PITPNC1: variants seen among roughly 807,000 people sequenced by gnomAD.
PITPNC1 encodes phosphatidylinositol transfer protein cytoplasmic 1.
A neutral mutation model predicts 44.7 loss-of-function variants in PITPNC1; 18 were observed. The observed-to-expected ratio is 0.40, with a 90% confidence interval of 0.28 to 0.60. The LOEUF (loss-of-function observed/expected upper bound fraction) is 0.60, where lower values mean the gene tolerates loss of function less well. PITPNC1 is among the 20% of genes least tolerant of loss of function. PITPNC1 has a pLI of 0.39. For synonymous variants in PITPNC1, 141 were observed against 149.6 expected, an observed-to-expected ratio of 0.94 and a Z score of 0.42; for missense variants, 290 against 418.4, an observed-to-expected ratio of 0.69 and a Z score of 2.68.
intron 1 of PITPNC1, among the ~76,000 whole-genome samples, chr17:67,511,996 T>G (rs369745824): frequency 6.6e-6 from 1 of 152,240 alleles, no homozygotes; most frequent in Non-Finnish European, 1.5e-5. Context: ...GGTCTCCTGC[T>G]GATGATGCAC....
At chr17:67,600,368 G>A (rs1303191805) in intron 5 of PITPNC1, among the ~76,000 whole-genome samples, 1 of 152,134 alleles carries the variant, frequency 6.6e-6, no homozygotes, top group Non-Finnish European at 1.5e-5. Flanking sequence ...TAAATCTACT[G>A]CCGAAGAAAA....
At chr17:67,417,171 AC>A (rs2038601626) in intron 1 of PITPNC1, among the ~76,000 whole-genome samples, 1 of 146,910 alleles carries the variant, frequency 6.8e-6, no homozygotes, top group Non-Finnish European at 1.5e-5. Context: ...TGCTCTTGTC[AC>A]CCAGGCTGGA....
chr17:67,444,200 C>T (rs1567992118), intron 1 of PITPNC1, among the ~76,000 whole-genome samples: 1 of 151,976 alleles, frequency 6.6e-6, no homozygotes, highest in Non-Finnish European at 1.5e-5. Context: ...TGTCACTTCA[C>T]ATATAATTAT....
intron 1 of PITPNC1, among the ~76,000 whole-genome samples, chr17:67,526,935 TG>T (rs1011298144): frequency 6.6e-6 from 1 of 152,122 alleles, no homozygotes; most frequent in African/African-American, 2.4e-5. Flanking sequence ...GGTAATTATT[TG>T]GAGTAGCTGT....
intron 5 of PITPNC1, among the ~76,000 whole-genome samples, chr17:67,603,684 C>T (rs1373269165): frequency 6.6e-6 from 1 of 152,188 alleles, no homozygotes; most frequent in African/African-American, 2.4e-5. Flanking sequence ...AATCCCAACA[C>T]TTTGGGAGGC....
chr17:67,421,025 T>C (rs4293416), intron 1 of PITPNC1, among the ~76,000 whole-genome samples: 12,750 of 152,120 alleles, frequency 0.084, 578 homozygotes, highest in East Asian at 0.15. Flanking sequence ...TTTTGGGGGA[T>C]CTTTAGGGTC....
chr17:67,409,116 C>T (rs1219448494), intron 1 of PITPNC1, among the ~76,000 whole-genome samples: 2 of 119,674 alleles, frequency 1.7e-5, no homozygotes, highest in Non-Finnish European at 3.2e-5. Flanking sequence ...CTCGCTCTGT[C>T]GCCCAGGCCG....
At chr17:67,436,909 T>G (rs1021859848) in intron 1 of PITPNC1, among the ~76,000 whole-genome samples, 154 of 68,904 alleles carry the variant, frequency 2.2e-3, no homozygotes, top group Non-Finnish European at 3.9e-3. Context: ...AATAGGGGTG[T>G]TTTTTTTTTT....
chr17:67,672,543 G>C (rs1332326873), intron 7 of PITPNC1, among the ~76,000 whole-genome samples: 1 of 151,808 alleles, frequency 6.6e-6, no homozygotes, highest in Non-Finnish European at 1.5e-5. Flanking sequence ...AGGTTGCAGT[G>C]AGCCTAGGTC....
intron 1 of PITPNC1, among the ~76,000 whole-genome samples, chr17:67,435,710 G>C (rs975308373): frequency 6.6e-6 from 1 of 152,136 alleles, no homozygotes; most frequent in African/African-American, 2.4e-5. Context: ...AAATTAGGCA[G>C]GTGTGGTGGT....
intron 5 of PITPNC1, among the ~76,000 whole-genome samples, chr17:67,605,248 T>C (rs1390527347): frequency 6.6e-6 from 1 of 152,204 alleles, no homozygotes; most frequent in Non-Finnish European, 1.5e-5. Flanking sequence ...CTTCCTCAGC[T>C]GAGATCAAGT....
intron 1 of PITPNC1, among the ~76,000 whole-genome samples, chr17:67,464,850 C>T (rs543124290): frequency 6.6e-6 from 1 of 152,254 alleles, no homozygotes; most frequent in East Asian, 1.9e-4. Context: ...AGCAATTCTC[C>T]TGTCTCAGCC....
intron 1 of PITPNC1, among the ~76,000 whole-genome samples, chr17:67,502,588 G>C (rs892320622): frequency 1.3e-5 from 2 of 152,144 alleles, no homozygotes; most frequent in African/African-American, 4.8e-5. Flanking sequence ...AGTGACATCT[G>C]CCATGGGGTA....
intron 1 of PITPNC1, among the ~76,000 whole-genome samples, chr17:67,388,390 C>A (rs58530216): frequency 0.032 from 4,210 of 132,492 alleles, 197 homozygotes; most frequent in African/African-American, 0.12. Context: ...GCAGTTCTTT[C>A]AGCTCACTGC....
intron 1 of PITPNC1, among the ~76,000 whole-genome samples, chr17:67,430,741 G>T (rs1598652790): frequency 1.3e-5 from 2 of 151,784 alleles, no homozygotes; most frequent in Middle Eastern, 6.8e-3. Context: ...ATCAGTTGAG[G>T]CCGGGAGTTC....
intron 1 of PITPNC1, among the ~76,000 whole-genome samples, chr17:67,511,586 G>T (rs918151689): frequency 1.3e-5 from 2 of 152,122 alleles, no homozygotes; most frequent in African/African-American, 2.4e-5. Context: ...TCAGCTCACT[G>T]CAACCTCTGC....
At chr17:67,601,241 A>G (rs550415922) in intron 5 of PITPNC1, among the ~76,000 whole-genome samples, 1 of 152,204 alleles carries the variant, frequency 6.6e-6, no homozygotes, top group Non-Finnish European at 1.5e-5. Context: ...GGAAAGACAG[A>G]TCACGTACAA....
At chr17:67,631,635 C>CAAAA (rs1374813320) in intron 5 of PITPNC1, among the ~76,000 whole-genome samples, 326 of 15,752 alleles carry the variant, frequency 0.021, 100 homozygotes, top group East Asian at 0.074. Flanking sequence ...TCTCAAAAAC[C>CAAAA]AAAAAAAAAA....
rs879250799 is a variant in PITPNC1 at position 67,560,542 on chromosome 17, T to A, written c.294+6925T>A. ...GTTTGTGCATTTGGATTTGTTTCCA[T>A]TTAGAAAATGAACTGGTTGTATGGA... is the stretch of plus-strand genomic sequence containing the variant. On this transcript the variant is annotated intron_variant, in intron 4 of 8. Coordinates refer to ENST00000581322, the MANE Select transcript of PITPNC1 (RefSeq NM_012417.4). Among the ~76,000 whole-genome samples, 4 of 152,188 alleles carry A rather than the reference T, an allele frequency of 2.6e-5. No individual in the cohort carries two copies. The South Asian group carries it at 8.3e-4, about 32-fold the overall frequency.
Sources: allele counts gnomAD v4.1 joint callset (sites outside exome capture counted in the v4.1 genomes callset), GRCh38; gene constraint gnomAD v4.1.1; transcripts MANE v1.5; gene names NCBI Gene and HGNC (gene_info 2026-07-23, HGNC 2026-07-21).